FAM171A1: variants seen among roughly 807,000 people sequenced by gnomAD.
FAM171A1 encodes the protein protein FAM171A1.
FAM171A1 carries 23 observed loss-of-function variants against 74.9 expected under a neutral mutation model. The observed-to-expected ratio is 0.31, with a 90% CI of 0.22 to 0.44. The LOEUF is 0.44. Ranked by LOEUF, FAM171A1 falls within the 20% of genes least tolerant of loss-of-function variation. The pLI, the probability that FAM171A1 is intolerant of heterozygous loss-of-function variation, is 1.00. For missense variants in FAM171A1, 1,162 were observed against 1,159.2 expected (o/e 1.00, Z -0.03); for synonymous variants, 527 against 505.7 (o/e 1.04, Z -0.57).
At chr10:15,270,704 CATTTGCTGTTCTGCAAT>C (rs1172719315) in intron 3 of FAM171A1, among the ~76,000 whole-genome samples, 2 of 152,194 alleles carry the variant, frequency 1.3e-5, no homozygotes, top group Non-Finnish European at 2.9e-5. Context: ...CAGGCAGCAA[CATTTGCTGTTCTGCAAT>C]ATTTGCTGTT....
At chr10:15,233,903 C>CAAAAAAAAAAAAAA (rs915508767) in intron 5 of FAM171A1, among the ~76,000 whole-genome samples, 4 of 129,168 alleles carry the variant, frequency 3.1e-5, no homozygotes, top group South Asian at 2.5e-4. Context: ...TCCGTCTCAC[C>CAAAAAAAAAAAAAA]AAAAAAAAAA....
rs193233380 is a variant in FAM171A1 at position 15,301,794 on chromosome 10, T to G, written c.98-17689A>C. On this transcript the variant is annotated intron_variant, in intron 1 of 7. Transcript: ENST00000378116. ...ATCTCTGACCGGGAAGTATCGTGTC[T>G]CCACCAACTTCTATCAAACCATGCC... 1.2e-4 allele frequency among the ~76,000 whole-genome samples: 18 copies of G among 152,282 alleles called. 1 individual carries two copies. Among genetic ancestry groups the G allele is most frequent in the African/African-American group, 3.8e-4 (16 of 41,560 alleles).
chr10:15,255,201 G>A (rs973531451), intron 3 of FAM171A1, among the ~76,000 whole-genome samples: 1 of 152,134 alleles, frequency 6.6e-6, no homozygotes, highest in Non-Finnish European at 1.5e-5. Flanking sequence ...AGCATTTTGG[G>A]AAACTCCATG....
At chr10:15,308,130 T>C (rs1835319170) in intron 1 of FAM171A1, among the ~76,000 whole-genome samples, 2 of 152,172 alleles carry the variant, frequency 1.3e-5, no homozygotes, top group African/African-American at 4.8e-5. Context: ...CATTAGGAAG[T>C]GTTAAACAAT....
At chr10:15,328,651 T>C (rs937987812) in intron 1 of FAM171A1, among the ~76,000 whole-genome samples, 11 of 152,210 alleles carry the variant, frequency 7.2e-5, no homozygotes, top group Non-Finnish European at 5.9e-5. Flanking sequence ...TTCTACTTGG[T>C]TGACATCACT....
At chr10:15,288,169 G>A (rs768377646) in intron 1 of FAM171A1, among the ~76,000 whole-genome samples, 32 of 152,190 alleles carry the variant, frequency 2.1e-4, no homozygotes, top group African/African-American at 3.1e-4. Flanking sequence ...ATTGACTGAC[G>A]GGCATTTGGG....
intron 1 of FAM171A1, among the ~76,000 whole-genome samples, chr10:15,286,421 C>T (rs1409783550): frequency 6.6e-6 from 1 of 152,096 alleles, no homozygotes; most frequent in African/African-American, 2.4e-5. Flanking sequence ...GCTGGGATTA[C>T]AGGTGCCCGC....
chr10:15,304,200 T>G (rs528310530), intron 1 of FAM171A1, among the ~76,000 whole-genome samples: 2 of 152,372 alleles, frequency 1.3e-5, no homozygotes, highest in African/African-American at 4.8e-5. Context: ...TACTCATAAC[T>G]GAGAAGGGAC....
chr10:15,308,939 T>C lies in FAM171A1; in HGVS notation c.98-24834A>G, dbSNP rs79813308. Among the ~76,000 whole-genome samples the C allele has an allele frequency of 1.6e-3, 238 of 152,196 alleles. 1 individual carries two copies. The East Asian group carries it at 0.036, about 23-fold the overall frequency. On this transcript the variant is annotated intron_variant, in intron 1 of 7. Coordinates refer to ENST00000378116, the MANE Select transcript of FAM171A1 (RefSeq NM_001010924.2). The stretch of plus-strand genomic sequence containing the variant: ...CCTCAGCCTCCCAGTATGCTGGGAT[T>C]ACAGACGTGAGCCACTGCAGCCGGC...
chr10:15,215,209 G>T (rs758728057), intron 7 of FAM171A1, among the ~76,000 whole-genome samples: 2 of 152,060 alleles, frequency 1.3e-5, no homozygotes, highest in African/African-American at 2.4e-5. Context: ...TGACTAAAAT[G>T]CTTTGCATTT....
Position 15,214,615 on chromosome 10 carries a change from CA to C in FAM171A1, c.987-15del. 6.4e-7 allele frequency: 1 copy of C among 1,558,678 alleles called. No individual in the cohort carries two copies. Among genetic ancestry groups the C allele is most frequent in the Non-Finnish European group, 8.7e-7 (1 of 1,154,696 alleles). ...AAGCACTTCCTCCTGCGCCCAAAGACACAATCCAAAGCCAAAGATTAGTGAT... is the reference window on the plus strand; with the variant it reads ...AAGCACTTCCTCCTGCGCCCAAAGACCAATCCAAAGCCAAAGATTAGTGAT... On this transcript the variant is annotated splice_polypyrimidine_tract_variant and intron_variant, in intron 7 of 7. Transcript: ENST00000378116.
At chr10:15,345,080 G>C (rs1835803824) in intron 1 of FAM171A1, among the ~76,000 whole-genome samples, 1 of 152,200 alleles carries the variant, frequency 6.6e-6, no homozygotes, top group South Asian at 2.1e-4. Context: ...AATTTGATCT[G>C]TTTAATCTTG....
intron 5 of FAM171A1, among the ~76,000 whole-genome samples, chr10:15,238,592 C>T (rs1361416072): frequency 6.6e-6 from 1 of 151,164 alleles, no homozygotes; most frequent in Non-Finnish European, 1.5e-5. Context: ...AATGAGTCTC[C>T]ACCTTCAAGG....
chr10:15,326,611 G>A (rs1835557998), intron 1 of FAM171A1, among the ~76,000 whole-genome samples: 2 of 151,738 alleles, frequency 1.3e-5, no homozygotes, highest in African/African-American at 4.8e-5. Context: ...ACCACACCCA[G>A]CTAGGTTTCT....
intron 3 of FAM171A1, among the ~76,000 whole-genome samples, chr10:15,261,540 G>C (rs1588518261): frequency 6.6e-6 from 1 of 152,202 alleles, no homozygotes; most frequent in Non-Finnish European, 1.5e-5. Context: ...GAAACGGCTT[G>C]ATTATCATAG....
intron 3 of FAM171A1, among the ~76,000 whole-genome samples, chr10:15,263,771 C>CTATCTATCTATCTATT (rs1336938568): frequency 7.9e-5 from 12 of 151,802 alleles, no homozygotes; most frequent in Non-Finnish European, 1.5e-4. Flanking sequence ...ATCTATCTAT[C>CTATCTATCTATCTATT]TATCTATCTA....
At chr10:15,248,548 G>C in intron 5 of FAM171A1, 91 bp downstream of exon 5, 1 of 1,383,876 alleles carries the variant, frequency 7.2e-7, no homozygotes, top group Non-Finnish European at 9.8e-7. Flanking sequence ...TGACTTCAAG[G>C]AAAGGAGACT....
At chr10:15,245,486 A>G (rs1320869509) in intron 5 of FAM171A1, among the ~76,000 whole-genome samples, 1 of 152,232 alleles carries the variant, frequency 6.6e-6, no homozygotes, top group Non-Finnish European at 1.5e-5. Context: ...CCATTCCTTA[A>G]AATCAATCTC....
intron 1 of FAM171A1, among the ~76,000 whole-genome samples, chr10:15,368,030 G>C (rs1836087272): frequency 6.6e-6 from 1 of 152,152 alleles, no homozygotes; most frequent in Non-Finnish European, 1.5e-5. Flanking sequence ...ATCAAAATGG[G>C]TCAATACTTT....
Sources: allele counts gnomAD v4.1 joint callset (sites outside exome capture counted in the v4.1 genomes callset), GRCh38; gene constraint gnomAD v4.1.1; transcripts MANE v1.5; gene names NCBI Gene and HGNC (gene_info 2026-07-23, HGNC 2026-07-21).